IQANK1: variants seen among roughly 807,000 people sequenced by gnomAD.
The protein encoded by IQANK1 is IQ motif and ankyrin repeat containing 1.
A neutral mutation model predicts 22.6 loss-of-function variants in IQANK1; 30 were observed. That is an observed-to-expected ratio of 1.33 (90% confidence interval 0.99 to 1.80). IQANK1 has a LOEUF of 1.80. Among genes scored for constraint, IQANK1 ranks in the 40% most tolerant of loss-of-function variants. The pLI is 0.00. For synonymous variants in IQANK1, 122 were observed against 99.6 expected, an observed-to-expected ratio of 1.23 and a Z score of -1.34; for missense variants, 275 against 235.2, an observed-to-expected ratio of 1.17 and a Z score of -1.11.
chr8:143,744,024 G>C (rs1324641099), intron 3 of IQANK1: 2 of 310,752 alleles, frequency 6.4e-6, no homozygotes, highest in Admixed American at 9.1e-5. Context: ...AGTAGAGACA[G>C]GGTTTCACCA....
chr8:143,748,912 T>C (rs1346585745), intron 3 of IQANK1, among the ~76,000 whole-genome samples: 13 of 118,382 alleles, frequency 1.1e-4, no homozygotes, highest in African/African-American at 4.5e-4. Flanking sequence ...TATACATATA[T>C]ATCTATATAT....
chr8:143,790,409 G>T lies in IQANK1; in HGVS notation c.1484G>T (p.Arg495Leu). Residue 495 changes from arginine to leucine, a missense_variant, in exon 14 of 14, where the codon CGG becomes CTG. By Grantham distance (102) the Arg-to-Leu change is moderately radical (BLOSUM62 -2). Coordinates refer to ENST00000527139, the MANE Select transcript of IQANK1 (RefSeq NM_001381874.1). ...REEDLFPVVQ[R>L]QLEAVQERYL... ...GAAGACCTGTTCCCAGTCGTGCAGC[G>T]GCAGCTGGAGGCGGTGCAGGAGAGG... 1 of 753,072 alleles carries T rather than the reference G, an allele frequency of 1.3e-6. No homozygotes were observed. Among genetic ancestry groups the T allele is most frequent in the Non-Finnish European group, 1.8e-6 (1 of 551,254 alleles). 46.6% of individuals were successfully genotyped at this position (753,072 alleles called of 1,614,324 possible).
At position 143,789,974 on chromosome 8, in the gene IQANK1, A is replaced by ACCC. The variant is rs1819992155; in HGVS notation, c.1199_1200insCCC (p.Glu400delinsAspPro). On this transcript the variant is annotated protein_altering_variant, in exon 12 of 14. Transcript: ENST00000527139. ...CTGCACTCTGCTACCCCGACAGGGG[A>ACCC]GGAAGAGGCGCCTGGGCTGAAGTGC... 5 of 1,231,886 alleles carry ACCC rather than the reference A, an allele frequency of 4.1e-6. No individual in the cohort carries two copies. The highest frequency in any genetic ancestry group is 5.1e-6 in the Non-Finnish European group (5 of 988,016). The allele number at this position is 1,231,886 out of a possible 1,614,324, so 76.3% of individuals were successfully genotyped here.
chr8:143,753,512 G>T (rs1819235553), intron 3 of IQANK1, among the ~76,000 whole-genome samples: 1 of 147,788 alleles, frequency 6.8e-6, no homozygotes. Context: ...GGAGTGCAGT[G>T]GCATGATCTC....
Position 143,771,983 on chromosome 8 carries a change from G to A in IQANK1, c.471+18G>A, listed in dbSNP as rs868953314. ...TGAAGGAGGTCAGCGGGGGCGGGAG[G>A]AGGACGAGGGCGGGGGGTGGGGTGG... On this transcript the variant is annotated intron_variant, in intron 5 of 13. Transcript: ENST00000527139. This position sits in a 1 kb window ranked among gnomAD's most constrained non-coding sequence, Gnocchi z 6.0. 412 of 142,840 alleles carry A rather than the reference G, an allele frequency of 2.9e-3. 1 individual carries two copies. Among genetic ancestry groups the A allele is most frequent in the African/African-American group, 9.9e-3 (382 of 38,538 alleles). 8.8% of individuals were successfully genotyped at this position (142,840 alleles called of 1,614,324 possible).
At chr8:143,752,484 C>T (rs1819214211) in intron 3 of IQANK1, among the ~76,000 whole-genome samples, 1 of 152,086 alleles carries the variant, frequency 6.6e-6, no homozygotes, top group South Asian at 2.1e-4. Flanking sequence ...ACTTGAGCTG[C>T]TTGGATGTTT....
chr8:143,763,330 G>C (rs1371731605), intron 3 of IQANK1, among the ~76,000 whole-genome samples: 1 of 152,210 alleles, frequency 6.6e-6, no homozygotes, highest in Non-Finnish European at 1.5e-5. Context: ...TTCTTATAAT[G>C]ATGGTAAGAA....
intron 7 of IQANK1, among the ~76,000 whole-genome samples, chr8:143,785,885 C>T (rs1819876202): frequency 6.6e-6 from 1 of 152,136 alleles, no homozygotes; most frequent in Non-Finnish European, 1.5e-5. Flanking sequence ...CACCACCACA[C>T]CTGGCTAATT....
intron 7 of IQANK1, among the ~76,000 whole-genome samples, chr8:143,779,089 TATAA>T (rs1226622207): frequency 1.3e-5 from 2 of 152,276 alleles, no homozygotes; most frequent in Admixed American, 6.5e-5. Context: ...TTTATAAACT[TATAA>T]ATAAATTTAT....
At chr8:143,765,586 C>A (rs1349205035) in intron 3 of IQANK1, among the ~76,000 whole-genome samples, 1 of 152,128 alleles carries the variant, frequency 6.6e-6, no homozygotes, top group African/African-American at 2.4e-5. Flanking sequence ...GGATTACTTA[C>A]CTGTTTCTTT....
intron 7 of IQANK1, among the ~76,000 whole-genome samples, chr8:143,775,072 G>A (rs1329464335): frequency 6.6e-6 from 1 of 152,038 alleles, no homozygotes; most frequent in Non-Finnish European, 1.5e-5. Context: ...GATTACGATG[G>A]TCGTAACGCA....
At chr8:143,756,617 T>C (rs1170682144) in intron 3 of IQANK1, among the ~76,000 whole-genome samples, 1 of 151,958 alleles carries the variant, frequency 6.6e-6, no homozygotes, top group Non-Finnish European at 1.5e-5. Flanking sequence ...GGTGTAGTTA[T>C]TGGGTGTCTT....
At chr8:143,790,115 G>A in intron 12 of IQANK1, 22 bp from the exon 13 acceptor site, 1 of 1,232,098 alleles carries the variant, frequency 8.1e-7, no homozygotes, top group Non-Finnish European at 1.0e-6. Context: ...ACAGACAGCA[G>A]TGACCTGATG....
intron 3 of IQANK1, 147 bp downstream of exon 3, chr8:143,740,095 T>C: frequency 1.9e-6 from 1 of 524,208 alleles, no homozygotes; most frequent in Non-Finnish European, 3.4e-6. Context: ...GGAGTGCGCG[T>C]GTACGCGCAC....
chr8:143,742,686 C>T (rs1554626734), intron 3 of IQANK1: 1 of 455,962 alleles, frequency 2.2e-6, no homozygotes, highest in Non-Finnish European at 4.4e-6. Context: ...GCCCCAGAAA[C>T]CTGCGGGAAG....
At chr8:143,743,058 C>A (rs781837727) in intron 3 of IQANK1, 1 of 455,988 alleles carries the variant, frequency 2.2e-6, no homozygotes, top group Non-Finnish European at 4.4e-6. Context: ...GCCTGTGTCC[C>A]GTTGCTGCTA....
At position 143,751,652 on chromosome 8, in the gene IQANK1, G is replaced by GTATA. The variant is rs1282292064; in HGVS notation, c.175+11705_175+11706insATAT. On this transcript the variant is annotated intron_variant, in intron 3 of 13. Coordinates refer to ENST00000527139, the MANE Select transcript of IQANK1 (RefSeq NM_001381874.1). ...TGTGTGTGTGTGTGTGTGTGTGTGT[G>GTATA]TGTGTGTGTGTGTATATATATATAT... 5.4e-3 allele frequency among the ~76,000 whole-genome samples: 181 copies of GTATA among 33,338 alleles called. 2 individuals are homozygous for GTATA. Among genetic ancestry groups the GTATA allele is most frequent in the Middle Eastern group, 0.014 (1 of 74 alleles). 21.9% of individuals were successfully genotyped at this position (33,338 alleles called of 152,430 possible).
Position 143,790,057 on chromosome 8 carries a change from G to C in IQANK1, c.1282G>C (p.Asp428His). The change falls in exon 12 of 14, where the codon GAT becomes CAT. Residue 428 changes from aspartate (D) to histidine (H), a missense_variant. Coordinates refer to ENST00000527139, the MANE Select transcript of IQANK1 (RefSeq NM_001381874.1). ...MKDVGNRIRADGRWPLVIDPL... is the reference protein window; with the variant it reads ...MKDVGNRIRAHGRWPLVIDPL... ...AGATGTAGGCAACCGCATCCGTGCC[G>C]ATGGCCGGTCAGTTCTCCGGGCCAG... 8.1e-7 allele frequency: 1 copy of C among 1,232,130 alleles called. No homozygotes were observed. The allele number at this position is 1,232,130 out of a possible 1,614,324, so 76.3% of individuals were successfully genotyped here.
chr8:143,776,064 G>A (rs1253764105), intron 7 of IQANK1, among the ~76,000 whole-genome samples: 2 of 150,758 alleles, frequency 1.3e-5, no homozygotes, highest in Non-Finnish European at 2.9e-5. Context: ...GCTCACGCCT[G>A]TAATCCCAGC....
Sources: allele counts gnomAD v4.1 joint callset (sites outside exome capture counted in the v4.1 genomes callset), GRCh38; gene constraint gnomAD v4.1.1; non-coding constraint Gnocchi (gnomAD v3.1); transcripts MANE v1.5; gene names NCBI Gene and HGNC (gene_info 2026-07-23, HGNC 2026-07-21).